The following COX5A variants were observed in gnomAD, a reference collection of about 807,000 sequenced individuals.
COX5A encodes cytochrome c oxidase subunit 5A, mitochondrial.
Under a neutral mutation model 16.1 loss-of-function variants are expected in COX5A, and 6 were observed. That is an observed-to-expected ratio of 0.37 (90% CI 0.20 to 0.73). The LOEUF (loss-of-function observed/expected upper bound fraction) is 0.73. Among genes scored for constraint, COX5A ranks in the 30% least tolerant of loss-of-function variants. The probability of loss-of-function intolerance (pLI) is 0.50; values close to 1 mark genes in which losing one functional copy is unlikely to be tolerated. For synonymous variants in COX5A, 73 were observed against 73.8 expected (o/e 0.99, Z 0.06); for missense variants, 159 against 194.9 (o/e 0.82, Z 1.10).
chr15:74,924,500 G>A (rs150650852), intron 3 of COX5A, among the ~76,000 whole-genome samples: 3,257 of 151,552 alleles, frequency 0.021, 125 homozygotes, highest in African/African-American at 0.076. Flanking sequence ...CAGCCTAGGG[G>A]ACAGAGCGAG....
In COX5A at chr15:74,920,130, T is replaced by C. The variant is rs1429533726; in HGVS notation, c.*322A>G. On this transcript the variant is annotated 3_prime_UTR_variant, in exon 5 of 5. Coordinates refer to ENST00000322347, the MANE Select transcript of COX5A (RefSeq NM_004255.4). ...ATTTACAAGCTAGGGCACCCAAACA[T>C]ATTAATGAAGCTGATTTTCATGTCA... The C allele has an allele frequency of 2.1e-6, 1 of 485,310 alleles. No homozygotes were observed. Among genetic ancestry groups the C allele is most frequent in the African/African-American group, 2.0e-5 (1 of 48,856 alleles). 30.1% of individuals were successfully genotyped at this position (485,310 alleles called of 1,614,324 possible).
chr15:74,929,056 G>C, intron 2 of COX5A, 60 bp downstream of exon 2: 7 of 1,167,690 alleles, frequency 6.0e-6, no homozygotes, highest in Non-Finnish European at 9.0e-6. Flanking sequence ...CTCAATAAAG[G>C]AGCAGAAGCA....
intron 1 of COX5A, among the ~76,000 whole-genome samples, chr15:74,931,016 CAAAAAAAAAAA>C (rs61417867): frequency 9.3e-4 from 22 of 23,732 alleles, no homozygotes; most frequent in South Asian, 2.9e-3. Flanking sequence ...GACTCTGTCT[CAAAAAAAAAAA>C]AAAAAAAAAA....
At chr15:74,934,528 T>C (rs900000624) in intron 1 of COX5A, among the ~76,000 whole-genome samples, 13 of 152,096 alleles carry the variant, frequency 8.5e-5, no homozygotes, top group African/African-American at 3.1e-4. Context: ...AGACGGGGTT[T>C]CACCGCGTTA....
At chr15:74,929,282 A>G (rs1250462214) in intron 1 of COX5A, 50 bp from the exon 2 acceptor site, 2 of 1,313,040 alleles carry the variant, frequency 1.5e-6, no homozygotes, top group Non-Finnish European at 2.2e-6. Context: ...AGTACTTGAT[A>G]TATTTTGTTC....
chr15:74,921,455 C>T (rs148883984), intron 4 of COX5A, among the ~76,000 whole-genome samples: 2,902 of 147,586 alleles, frequency 0.02, 97 homozygotes, highest in African/African-American at 0.068. Flanking sequence ...CAGGGCCAGA[C>T]GCGGTGGCTC....
chr15:74,926,032 ATTTT>A (rs755631696), intron 3 of COX5A, among the ~76,000 whole-genome samples: 5 of 107,660 alleles, frequency 4.6e-5, no homozygotes, highest in African/African-American at 7.3e-5. Context: ...TGCCCAGCTA[ATTTT>A]TTTTTTTTTT....
intron 4 of COX5A, chr15:74,923,446 A>C: frequency 2.0e-6 from 1 of 490,964 alleles, no homozygotes; most frequent in Non-Finnish European, 3.6e-6. Flanking sequence ...GAAAAGAAGG[A>C]AAGAAAGAAA....
intron 3 of COX5A, among the ~76,000 whole-genome samples, chr15:74,925,813 T>C (rs1466033967): frequency 6.6e-6 from 1 of 152,150 alleles, no homozygotes; most frequent in Non-Finnish European, 1.5e-5. Flanking sequence ...AGAAGATGAA[T>C]ACACTTTGTA....
At chr15:74,926,699 A>C in intron 3 of COX5A, 67 bp downstream of exon 3, 1 of 1,514,636 alleles carries the variant, frequency 6.6e-7, no homozygotes, top group Non-Finnish European at 8.9e-7. Context: ...AAAATACAGA[A>C]TATTCTGATA....
intron 1 of COX5A, among the ~76,000 whole-genome samples, chr15:74,930,471 C>CAAAA (rs137868871): frequency 7.3e-6 from 1 of 137,486 alleles, no homozygotes; most frequent in Admixed American, 7.4e-5. Flanking sequence ...AAAAAAGCAA[C>CAAAA]AAAAAAAAAA....
chr15:74,936,324 CAAG>C (rs980202823), intron 1 of COX5A, among the ~76,000 whole-genome samples: 1 of 149,892 alleles, frequency 6.7e-6, no homozygotes, highest in Middle Eastern at 3.5e-3. Flanking sequence ...CAAAAAAAAA[CAAG>C]GAGTCAGTTT....
intron 4 of COX5A, 148 bp downstream of exon 4, chr15:74,923,500 C>A: frequency 1.6e-5 from 8 of 510,608 alleles, no homozygotes; most frequent in South Asian, 3.3e-5. Context: ...TTAAATTTAC[C>A]ATTACTGGTA....
At chr15:74,933,936 G>T (rs1416098478) in intron 1 of COX5A, among the ~76,000 whole-genome samples, 2 of 152,160 alleles carry the variant, frequency 1.3e-5, no homozygotes, top group African/African-American at 4.8e-5. Flanking sequence ...CCACCTTCAA[G>T]GATTTGATCA....
At chr15:74,937,717 C>T in intron 1 of COX5A, 198 bp downstream of exon 1, 2 of 374,502 alleles carry the variant, frequency 5.3e-6, no homozygotes, top group Non-Finnish European at 9.5e-6. Context: ...CAGGAAGTTG[C>T]GCGGGGGGAG....
Position 74,926,868 on chromosome 15 carries a change from G to T in COX5A, c.237C>A (p.Thr79=). Residue 79 remains threonine (T), a synonymous_variant, in exon 3 of 5, where the codon ACC becomes ACA. Coordinates refer to ENST00000322347, the MANE Select transcript of COX5A (RefSeq NM_004255.4). The part of the protein sequence containing the change: ...ELRKGINTLV[T]YDMVPEPKII... ...TTTTGGGCTCTGGAACCATATCATA[G>T]GTAACAAGTGTGTTTATCCCTGCAA... The T allele has an allele frequency of 6.2e-7, 1 of 1,613,278 alleles. No individual in the cohort carries two copies.
intron 2 of COX5A, among the ~76,000 whole-genome samples, chr15:74,927,417 C>T (rs1182457545): frequency 6.6e-6 from 1 of 152,090 alleles, no homozygotes. Flanking sequence ...CCTCGTGATC[C>T]ACCTGCCTCG....
At chr15:74,928,651 C>G (rs2065353907) in intron 2 of COX5A, among the ~76,000 whole-genome samples, 1 of 152,186 alleles carries the variant, frequency 6.6e-6, no homozygotes, top group Non-Finnish European at 1.5e-5. Flanking sequence ...TCCTAAAGTG[C>G]TGGGATTACA....
intron 4 of COX5A, among the ~76,000 whole-genome samples, chr15:74,922,990 T>C (rs898870621): frequency 3.7e-4 from 57 of 152,120 alleles, no homozygotes; most frequent in Non-Finnish European, 7.6e-4. Context: ...AAAGCAAATG[T>C]GGCAACAATA....
Sources: gnomAD v4.1 joint callset for allele counts (sites outside exome capture counted in the v4.1 genomes callset) on GRCh38, gnomAD v4.1.1 for gene constraint, MANE v1.5 for transcripts, NCBI Gene and HGNC (gene_info 2026-07-23, HGNC 2026-07-21) for gene names.